The following KIAA0825 variants were observed in gnomAD, a reference collection of about 807,000 sequenced individuals.
KIAA0825 encodes the protein KIAA0825, also known as uncharacterized protein KIAA0825.
Under a neutral mutation model 147.6 loss-of-function variants are expected in KIAA0825, and 119 were observed. The observed-to-expected ratio is 0.81, with a 90% CI of 0.69 to 0.94. The LOEUF (loss-of-function observed/expected upper bound fraction) is 0.94. KIAA0825 is among the 40% of genes least tolerant of loss of function. The pLI is 0.00. For synonymous variants in KIAA0825, 470 were observed against 518.1 expected (o/e 0.91, Z 1.26); for missense variants, 1,381 against 1,472.7 (o/e 0.94, Z 1.02).
At chr5:94,524,855 G>C (rs1363326897) in intron 3 of KIAA0825, among the ~76,000 whole-genome samples, 1 of 151,770 alleles carries the variant, frequency 6.6e-6, no homozygotes, top group Admixed American at 6.6e-5. Context: ...GTAGAATCTT[G>C]CCATATGTAT....
At chr5:94,523,035 G>C (rs1439327781) in intron 4 of KIAA0825, among the ~76,000 whole-genome samples, 2 of 151,452 alleles carry the variant, frequency 1.3e-5, no homozygotes, top group Non-Finnish European at 3.0e-5. Context: ...AAGGCTTCAG[G>C]GCACACAGTC....
At chr5:94,305,108 T>C (rs981827493) in intron 20 of KIAA0825, among the ~76,000 whole-genome samples, 1 of 152,050 alleles carries the variant, frequency 6.6e-6, no homozygotes, top group Non-Finnish European at 1.5e-5. Context: ...ACCTTAATTA[T>C]TGTTCTAAGA....
intron 20 of KIAA0825, among the ~76,000 whole-genome samples, chr5:94,289,924 TA>T (rs11312776): frequency 0.015 from 2,059 of 137,758 alleles, 35 homozygotes; most frequent in African/African-American, 0.037. Flanking sequence ...GTGTGTGCTG[TA>T]AAAAAAAAAA....
intron 20 of KIAA0825, among the ~76,000 whole-genome samples, chr5:94,177,771 T>C (rs1562297106): frequency 6.6e-6 from 1 of 152,110 alleles, no homozygotes; most frequent in Non-Finnish European, 1.5e-5. Flanking sequence ...TATTAAAACA[T>C]TGTAGAACAG....
chr5:94,533,434 G>A (rs10065592), intron 3 of KIAA0825, among the ~76,000 whole-genome samples: 23,109 of 151,404 alleles, frequency 0.15, 2,471 homozygotes, highest in African/African-American at 0.3. Context: ...GCACCACCAC[G>A]CCCGGCTGAT....
At chr5:94,563,444 G>A (rs970920756) in intron 2 of KIAA0825, among the ~76,000 whole-genome samples, 2 of 151,806 alleles carry the variant, frequency 1.3e-5, no homozygotes, top group Non-Finnish European at 1.5e-5. Context: ...TAGTGAAACT[G>A]ATGTTCTTGA....
intron 20 of KIAA0825, among the ~76,000 whole-genome samples, chr5:94,171,714 T>A (rs1768633012): frequency 6.6e-6 from 1 of 152,188 alleles, no homozygotes; most frequent in Non-Finnish European, 1.5e-5. Context: ...AATACCTCCA[T>A]AATTAAGATT....
At chr5:94,453,495 G>A (rs924632589) in intron 12 of KIAA0825, among the ~76,000 whole-genome samples, 2 of 151,956 alleles carry the variant, frequency 1.3e-5, no homozygotes, top group Admixed American at 1.3e-4. Flanking sequence ...CTCAGTTAAA[G>A]ATTTTTACAC....
intron 20 of KIAA0825, among the ~76,000 whole-genome samples, chr5:94,301,233 G>C (rs1264373748): frequency 6.6e-6 from 1 of 152,008 alleles, no homozygotes; most frequent in Admixed American, 6.6e-5. Flanking sequence ...GACATAAGTG[G>C]TAACTGTTCA....
intron 20 of KIAA0825, among the ~76,000 whole-genome samples, chr5:94,241,617 G>A (rs1392852759): frequency 6.6e-6 from 1 of 152,148 alleles, no homozygotes; most frequent in Non-Finnish European, 1.5e-5. Flanking sequence ...TCTTTTTCCA[G>A]TAGATTGTGT....
chr5:94,528,997 C>T (rs535800902), intron 3 of KIAA0825, among the ~76,000 whole-genome samples: 2 of 151,390 alleles, frequency 1.3e-5, no homozygotes, highest in East Asian at 1.9e-4. Context: ...GGAGAATGTA[C>T]GTAATAATGG....
rs867447937 is a variant in KIAA0825 at position 94,537,093 on chromosome 5, A to C, written c.34T>G (p.Phe12Val). ...GAGTTTAACAAACAATGTAGGTCAA[A>C]AGAATTATGAGAATATTCATCATCC... ...DWDDEYSHNS[F>V]DLHCLLNSFP... is the part of the protein sequence containing the mutation. Residue 12 changes from phenylalanine (F) to valine (V), a missense_variant, in exon 3 of 21, where the codon TTT becomes GTT. Physicochemically the swap from Phe to Val is conservative, Grantham distance 50 (BLOSUM62 -1). Transcript: ENST00000682413. The C allele has an allele frequency of 6.2e-7, 1 of 1,611,830 alleles. No homozygotes were observed. Among genetic ancestry groups the C allele is most frequent in the African/African-American group, 1.3e-5 (1 of 74,982 alleles).
intron 5 of KIAA0825, among the ~76,000 whole-genome samples, chr5:94,494,291 T>C (rs923372191): frequency 2.0e-5 from 3 of 151,662 alleles, no homozygotes; most frequent in African/African-American, 7.3e-5. Context: ...TATAATACTC[T>C]TGTCCCTCTC....
chr5:94,304,288 CATA>C (rs1778586298), intron 20 of KIAA0825, among the ~76,000 whole-genome samples: 1 of 152,008 alleles, frequency 6.6e-6, no homozygotes, highest in Non-Finnish European at 1.5e-5. Context: ...CTCCCTGTGG[CATA>C]AGTGTATGGC....
chr5:94,601,626 C>G (rs1281472021), intron 1 of KIAA0825, among the ~76,000 whole-genome samples: 1 of 152,084 alleles, frequency 6.6e-6, no homozygotes, highest in East Asian at 1.9e-4. Flanking sequence ...TGTCTTAAAT[C>G]AATGCAAGAA....
At chr5:94,307,383 T>G (rs1369954495) in intron 20 of KIAA0825, among the ~76,000 whole-genome samples, 1 of 151,706 alleles carries the variant, frequency 6.6e-6, no homozygotes, top group Non-Finnish European at 1.5e-5. Context: ...GTTTCTTCAA[T>G]TGTTATGGTT....
chr5:94,372,019 T>C (rs1343241607), intron 20 of KIAA0825, among the ~76,000 whole-genome samples: 2 of 152,116 alleles, frequency 1.3e-5, no homozygotes, highest in East Asian at 3.9e-4. Context: ...CCCACACAAG[T>C]CCAAACTCCA....
Position 94,523,926 on chromosome 5 carries a change from T to C in KIAA0825, c.300+4A>G, listed in dbSNP as rs759110911. The C allele has an allele frequency of 1.9e-6, 3 of 1,573,184 alleles. No individual in the cohort carries two copies. Among genetic ancestry groups the C allele is most frequent in the Non-Finnish European group, 1.7e-6 (2 of 1,150,384 alleles). On this transcript the variant is annotated splice_donor_region_variant and intron_variant, in intron 4 of 20. Transcript: ENST00000682413. Reference sequence around the variant, plus strand: ...CTCCATGATAAAATAAAAATTCATTTTACCAGTGTTTTGAAAAATTTTATC... The same window carrying C: ...CTCCATGATAAAATAAAAATTCATTCTACCAGTGTTTTGAAAAATTTTATC...
chr5:94,420,588 A>G (rs960340693), intron 14 of KIAA0825, among the ~76,000 whole-genome samples: 1 of 152,154 alleles, frequency 6.6e-6, no homozygotes, highest in African/African-American at 2.4e-5. Flanking sequence ...CTATTTTACT[A>G]TATGACGTTC....
Sources: allele counts gnomAD v4.1 joint callset (sites outside exome capture counted in the v4.1 genomes callset), GRCh38; gene constraint gnomAD v4.1.1; transcripts MANE v1.5; gene names NCBI Gene and HGNC (gene_info 2026-07-23, HGNC 2026-07-21).